Variants in VPS45 observed in about 807,000 individuals in gnomAD.
The protein encoded by VPS45 is vacuolar protein sorting-associated protein 45.
In VPS45, 35 loss-of-function variants were observed where a neutral mutation model predicts 75.9. The ratio of observed to expected loss-of-function variants is 0.46; its 90% CI spans 0.35 to 0.61. The LOEUF (loss-of-function observed/expected upper bound fraction) is 0.61. Ranked by LOEUF, VPS45 falls within the 20% of genes least tolerant of loss-of-function variation. The pLI, the probability that VPS45 is intolerant of heterozygous loss-of-function variation, is 0.00. For missense variants in VPS45, 559 were observed against 685.9 expected, an observed-to-expected ratio of 0.81 and a Z score of 2.07; for synonymous variants, 220 against 238.2, an observed-to-expected ratio of 0.92 and a Z score of 0.70.
At chr1:150,075,326 G>T (rs1655315751) in intron 3 of VPS45, among the ~76,000 whole-genome samples, 1 of 152,076 alleles carries the variant, frequency 6.6e-6, no homozygotes, top group African/African-American at 2.4e-5. Flanking sequence ...CTTGCTGATT[G>T]CATCCCCAGG....
chr1:150,129,695 G>A (rs1284541273), intron 14 of VPS45, among the ~76,000 whole-genome samples: 1 of 151,682 alleles, frequency 6.6e-6, no homozygotes, highest in African/African-American at 2.4e-5. Flanking sequence ...GAGTAGCTGG[G>A]ACTACACGCT....
At chr1:150,144,068 G>C (rs1187284088) in intron 14 of VPS45, among the ~76,000 whole-genome samples, 1 of 152,044 alleles carries the variant, frequency 6.6e-6, no homozygotes, top group African/African-American at 2.4e-5. Context: ...TAAAGCAGAA[G>C]AAGGGAGAGT....
intron 14 of VPS45, among the ~76,000 whole-genome samples, chr1:150,119,328 C>G (rs1293779921): frequency 6.6e-6 from 1 of 152,110 alleles, no homozygotes; most frequent in Non-Finnish European, 1.5e-5. Flanking sequence ...CTGCAGTGAA[C>G]TAGCAATAAT....
At chr1:150,122,336 G>A (rs782030443) in intron 14 of VPS45, among the ~76,000 whole-genome samples, 1 of 151,972 alleles carries the variant, frequency 6.6e-6, no homozygotes, top group African/African-American at 2.4e-5. Context: ...TAAAGGAGGT[G>A]GGGGGAGTAA....
At chr1:150,079,439 C>T (rs1364486981) in intron 7 of VPS45, among the ~76,000 whole-genome samples, 1 of 152,126 alleles carries the variant, frequency 6.6e-6, no homozygotes, top group Non-Finnish European at 1.5e-5. Context: ...GAGACAGAGT[C>T]TCTCTCTGTC....
chr1:150,076,301 G>A lies in VPS45; in HGVS notation c.358G>A (p.Ala120Thr). 6.2e-7 allele frequency: 1 copy of A among 1,606,498 alleles called. No individual in the cohort carries two copies. The highest frequency in any genetic ancestry group is 8.5e-7 in the Non-Finnish European group (1 of 1,176,054). The change falls in exon 4 of 15, where the codon GCT (alanine) becomes ACT (threonine). Residue 120 changes from alanine (A) to threonine (T), a missense_variant. Physicochemically the swap from Ala to Thr is moderately conservative, Grantham distance 58 (BLOSUM62 0). Transcript: ENST00000644510. The part of the protein sequence containing the change: ...LAEADEQEVV[A>T]EVQEFYGDYI... Reference sequence around the variant, plus strand: ...TGAAGCTGATGAACAGGAAGTTGTGGCTGAGGTTCAGGTAAACATATTGGT... The same window carrying A: ...TGAAGCTGATGAACAGGAAGTTGTGACTGAGGTTCAGGTAAACATATTGGT...
rs369066948 is a variant in VPS45 at position 150,082,731 on chromosome 1, T to C, written c.952T>C (p.Tyr318His). 6.2e-7 allele frequency: 1 copy of C among 1,612,880 alleles called. No individual in the cohort carries two copies. The highest frequency in any genetic ancestry group is 1.3e-5 in the African/African-American group (1 of 74,848). The change falls in exon 10 of 15, where the codon TAT (tyrosine) becomes CAT (histidine). Residue 318 changes from tyrosine (Y) to histidine (H), a missense_variant. By Grantham distance (83) the Tyr-to-His change is moderately conservative. Transcript: ENST00000644510. Reference protein sequence around the residue: ...IADMKAFVENYPQFKKMSGTV... With the variant: ...IADMKAFVENHPQFKKMSGTV... ...CCCATGGCAGGCGTTTGTTGAGAAT[T>C]ATCCACAGTTCAAGAAAATGTCTGG... is the stretch of plus-strand genomic sequence containing the variant.
chr1:150,128,388 A>T (rs2101642765), intron 14 of VPS45, among the ~76,000 whole-genome samples: 1 of 152,268 alleles, frequency 6.6e-6, no homozygotes, highest in Non-Finnish European at 1.5e-5. Flanking sequence ...TGTTATAATA[A>T]TTTAACTTTG....
chr1:150,076,242 A>G lies in VPS45; in HGVS notation c.299A>G (p.Asn100Ser), dbSNP rs139341274. The G allele has an allele frequency of 7.5e-6, 12 of 1,603,688 alleles. No individual in the cohort carries two copies. The highest frequency in any genetic ancestry group is 1.0e-5 in the Non-Finnish European group (12 of 1,173,944). ...KYTIYFIYFS[N>S]VISKSDVKSL... ...AACTCATGTGTTTCAGATTTCAGTA[A>G]TGTGATCAGCAAGAGTGACGTGAAG... Residue 100 changes from asparagine (N) to serine (S), a missense_variant, in exon 4 of 15, where the codon AAT (asparagine) becomes AGT (serine). Physicochemically the swap from Asn to Ser is conservative, Grantham distance 46. Transcript: ENST00000644510.
At chr1:150,142,110 C>T (rs1469656198) in intron 14 of VPS45, among the ~76,000 whole-genome samples, 3 of 151,678 alleles carry the variant, frequency 2.0e-5, no homozygotes, top group Non-Finnish European at 4.4e-5. Flanking sequence ...GTCATAGTGG[C>T]CCTAGGAAAC....
chr1:150,124,234 G>A (rs906004431), intron 14 of VPS45, among the ~76,000 whole-genome samples: 4 of 152,116 alleles, frequency 2.6e-5, no homozygotes, highest in Non-Finnish European at 5.9e-5. Context: ...GCCGAGGCGG[G>A]TGGATCACGA....
At chr1:150,124,071 A>G (rs1553810158) in intron 14 of VPS45, among the ~76,000 whole-genome samples, 2 of 152,186 alleles carry the variant, frequency 1.3e-5, no homozygotes, top group African/African-American at 4.8e-5. Context: ...CCCATTTTCA[A>G]TTATTTTCCC....
At chr1:150,139,658 A>T (rs1381476274) in intron 14 of VPS45, among the ~76,000 whole-genome samples, 1 of 152,020 alleles carries the variant, frequency 6.6e-6, no homozygotes, top group Non-Finnish European at 1.5e-5. Flanking sequence ...TGCTCAAGTG[A>T]TCTTTCCACC....
intron 10 of VPS45, among the ~76,000 whole-genome samples, chr1:150,087,191 T>G (rs1656063568): frequency 6.6e-6 from 1 of 152,222 alleles, no homozygotes; most frequent in Non-Finnish European, 1.5e-5. Context: ...GTCTTATAAA[T>G]GAATGTTAGT....
At chr1:150,102,232 C>T (rs142752825) in intron 13 of VPS45, among the ~76,000 whole-genome samples, 2,510 of 53,108 alleles carry the variant, frequency 0.047, 79 homozygotes, top group African/African-American at 0.15. Flanking sequence ...AGTGAGACTC[C>T]GTCAAAAAAA....
At chr1:150,074,139 C>T (rs587641921) in intron 3 of VPS45, among the ~76,000 whole-genome samples, 1 of 151,674 alleles carries the variant, frequency 6.6e-6, no homozygotes, top group Non-Finnish European at 1.5e-5. Flanking sequence ...CTCAGCCTCC[C>T]GAGTAGCTAG....
intron 10 of VPS45, among the ~76,000 whole-genome samples, chr1:150,083,599 A>C (rs1295171976): frequency 6.6e-6 from 1 of 151,360 alleles, no homozygotes; most frequent in Non-Finnish European, 1.5e-5. Flanking sequence ...AGGGAAAAGG[A>C]AGAAACATTC....
At chr1:150,143,308 T>G (rs72694946) in intron 14 of VPS45, among the ~76,000 whole-genome samples, 16,159 of 152,150 alleles carry the variant, frequency 0.11, 1,209 homozygotes, top group Non-Finnish European at 0.17. Flanking sequence ...ATAAGGTTCT[T>G]GCCAGGCGCA....
At chr1:150,091,400 C>T (rs1421074357) in intron 10 of VPS45, among the ~76,000 whole-genome samples, 2 of 152,180 alleles carry the variant, frequency 1.3e-5, no homozygotes, top group African/African-American at 4.8e-5. Flanking sequence ...TCGGTACCTG[C>T]CTCTTAAAAT....
Sources: allele counts gnomAD v4.1 joint callset (sites outside exome capture counted in the v4.1 genomes callset), GRCh38; gene constraint gnomAD v4.1.1; transcripts MANE v1.5; gene names NCBI Gene and HGNC (gene_info 2026-07-23, HGNC 2026-07-21).